MAP3K3: variants seen among roughly 807,000 people sequenced by gnomAD.
MAP3K3 encodes MAP/ERK kinase kinase 3.
In MAP3K3, 12 loss-of-function variants were observed where a neutral mutation model predicts 80.9. The ratio of observed to expected loss-of-function variants is 0.15; its 90% CI spans 0.10 to 0.24. MAP3K3 has a LOEUF of 0.24. Ranked by LOEUF, MAP3K3 falls within the 10% of genes least tolerant of loss-of-function variation. The probability of loss-of-function intolerance (pLI) is 1.00; values close to 1 mark genes in which losing one functional copy is unlikely to be tolerated. For synonymous variants in MAP3K3, 272 were observed against 307.1 expected, an observed-to-expected ratio of 0.89 and a Z score of 1.19; for missense variants, 596 against 834.7, an observed-to-expected ratio of 0.71 and a Z score of 3.52.
chr17:63,678,518 CCT>C (rs1385708787), intron 6 of MAP3K3, among the ~76,000 whole-genome samples: 25 of 152,228 alleles, frequency 1.6e-4, no homozygotes, highest in African/African-American at 5.8e-4. Context: ...TTGTTTCTGG[CCT>C]TTGCTCTGGA....
intron 3 of MAP3K3, among the ~76,000 whole-genome samples, chr17:63,649,129 CT>C (rs2034597685): frequency 6.6e-6 from 1 of 151,934 alleles, no homozygotes; most frequent in Non-Finnish European, 1.5e-5. Context: ...ACAGAGGAAC[CT>C]TTTTCTTTTA....
At chr17:63,673,629 G>A (rs531470444) in intron 6 of MAP3K3, among the ~76,000 whole-genome samples, 53 of 152,260 alleles carry the variant, frequency 3.5e-4, no homozygotes, top group Non-Finnish European at 4.9e-4. Flanking sequence ...AGGACTTGTC[G>A]GCGGGGTGCA....
chr17:63,645,844 G>C (rs2034530671), intron 2 of MAP3K3, among the ~76,000 whole-genome samples, 190 bp from the exon 3 acceptor site: 1 of 152,214 alleles, frequency 6.6e-6, no homozygotes, highest in Non-Finnish European at 1.5e-5. Flanking sequence ...TGTTGTCCCT[G>C]ATGTTAGAAC....
Position 63,622,597 on chromosome 17 carries a change from C to G in MAP3K3, c.-163C>G, listed in dbSNP as rs1026284422. ...CACAGCGCCCGGCCGCGGGCGGAGCCGGAGCCGGAGCCTGGGGAGGCGGCG... is the reference window on the plus strand; with the variant it reads ...CACAGCGCCCGGCCGCGGGCGGAGCGGGAGCCGGAGCCTGGGGAGGCGGCG... On this transcript the variant is annotated 5_prime_UTR_variant, in exon 1 of 16. Coordinates refer to ENST00000361733, the MANE Select transcript of MAP3K3 (RefSeq NM_002401.5). 1 of 157,738 alleles carries G rather than the reference C, an allele frequency of 6.3e-6. No homozygotes were observed. Among genetic ancestry groups the G allele is most frequent in the African/African-American group, 2.5e-5 (1 of 40,754 alleles). 9.8% of individuals were successfully genotyped at this position (157,738 alleles called of 1,614,324 possible). A position where few individuals can be genotyped will look rare whatever the true frequency, so the allele number is the denominator to read the frequency against.
chr17:63,649,418 C>G (rs1010691564), intron 3 of MAP3K3, among the ~76,000 whole-genome samples: 1 of 145,376 alleles, frequency 6.9e-6, no homozygotes, highest in Non-Finnish European at 1.5e-5. Context: ...GGCGACAGAG[C>G]GAGACTCCAT....
chr17:63,649,616 C>T (rs1239489803), intron 3 of MAP3K3, among the ~76,000 whole-genome samples: 2 of 152,152 alleles, frequency 1.3e-5, no homozygotes, highest in Non-Finnish European at 2.9e-5. Context: ...CCATTTTGCC[C>T]AGGCTGGTTT....
At chr17:63,623,088 G>A (rs2034025880) in intron 1 of MAP3K3, among the ~76,000 whole-genome samples, 1 of 152,002 alleles carries the variant, frequency 6.6e-6, no homozygotes, top group Non-Finnish European at 1.5e-5. Flanking sequence ...GAGCCGGACC[G>A]CGAGCCCGAG....
intron 3 of MAP3K3, among the ~76,000 whole-genome samples, chr17:63,648,211 A>C (rs1164733734): frequency 6.6e-6 from 1 of 152,242 alleles, no homozygotes; most frequent in African/African-American, 2.4e-5. Flanking sequence ...GATCTTGACC[A>C]GACTTTCAAG....
At chr17:63,659,572 G>A (rs958562562) in intron 5 of MAP3K3, among the ~76,000 whole-genome samples, 7 of 127,812 alleles carry the variant, frequency 5.5e-5, no homozygotes, top group African/African-American at 1.5e-4. Flanking sequence ...TCACTCTGTC[G>A]CCCAGGCCGG....
intron 12 of MAP3K3, 76 bp downstream of exon 12, chr17:63,690,488 C>T (rs1598124587): frequency 6.0e-6 from 9 of 1,492,474 alleles, no homozygotes; most frequent in East Asian, 2.3e-5. Flanking sequence ...AGAGTAGTTG[C>T]CTGAGATGCT....
chr17:63,662,007 G>A (rs563253582), intron 5 of MAP3K3, among the ~76,000 whole-genome samples: 1 of 152,232 alleles, frequency 6.6e-6, no homozygotes, highest in African/African-American at 2.4e-5. Context: ...GGAGGCTGAG[G>A]CAGGAGAATG....
chr17:63,690,924 C>A, intron 12 of MAP3K3, 178 bp from the exon 13 acceptor site: 1 of 718,014 alleles, frequency 1.4e-6, no homozygotes, highest in Non-Finnish European at 2.3e-6. Flanking sequence ...TGCCACCATC[C>A]CAAGGCCTGC....
At chr17:63,638,430 T>A (rs1247806770) in intron 2 of MAP3K3, among the ~76,000 whole-genome samples, 4 of 152,156 alleles carry the variant, frequency 2.6e-5, no homozygotes, top group African/African-American at 4.8e-5. Flanking sequence ...AAATCCTGAT[T>A]TTTCTGGATT....
intron 1 of MAP3K3, among the ~76,000 whole-genome samples, chr17:63,629,065 C>G (rs1242201558): frequency 1.3e-5 from 2 of 151,860 alleles, no homozygotes; most frequent in Non-Finnish European, 2.9e-5. Flanking sequence ...GCCTCCTTAC[C>G]AAATTTTTCT....
At chr17:63,661,763 T>C (rs1244998124) in intron 5 of MAP3K3, among the ~76,000 whole-genome samples, 3 of 152,170 alleles carry the variant, frequency 2.0e-5, no homozygotes. Context: ...TGCAGGAAGA[T>C]AAAACAAACC....
chr17:63,676,523 A>G (rs1287639453), intron 6 of MAP3K3, among the ~76,000 whole-genome samples: 6 of 152,242 alleles, frequency 3.9e-5, no homozygotes, highest in Non-Finnish European at 7.3e-5. Flanking sequence ...TACAAGAGAC[A>G]TTTTTATTTG....
At chr17:63,665,007 A>G (rs886148925) in intron 5 of MAP3K3, among the ~76,000 whole-genome samples, 1 of 152,110 alleles carries the variant, frequency 6.6e-6, no homozygotes, top group Non-Finnish European at 1.5e-5. Flanking sequence ...TGAGGTGTCA[A>G]AATCTCCACA....
At chr17:63,651,790 CT>C (rs1368750130) in intron 3 of MAP3K3, among the ~76,000 whole-genome samples, 7 of 152,304 alleles carry the variant, frequency 4.6e-5, no homozygotes, top group South Asian at 2.1e-4. Context: ...AGATATGTCA[CT>C]GGTTAAGAAA....
At chr17:63,623,038 G>A (rs2143091932) in intron 1 of MAP3K3, among the ~76,000 whole-genome samples, 1 of 151,284 alleles carries the variant, frequency 6.6e-6, no homozygotes, top group Non-Finnish European at 1.5e-5. Flanking sequence ...GCGGCGGCGG[G>A]ACCGAGGGCC....
Sources: gnomAD v4.1 joint callset for allele counts (sites outside exome capture counted in the v4.1 genomes callset) on GRCh38, gnomAD v4.1.1 for gene constraint, MANE v1.5 for transcripts, NCBI Gene and HGNC (gene_info 2026-07-23, HGNC 2026-07-21) for gene names.